The following MARCHF6 variants were observed in gnomAD, a reference collection of about 807,000 sequenced individuals.
The protein encoded by MARCHF6 is membrane associated ring-CH-type finger 6.
In MARCHF6, 31 loss-of-function variants were observed where a neutral mutation model predicts 133.7. The ratio of observed to expected loss-of-function variants is 0.23; its 90% CI spans 0.17 to 0.31. MARCHF6 has a LOEUF of 0.31. Among genes scored for constraint, MARCHF6 ranks in the 10% least tolerant of loss-of-function variants. The probability of loss-of-function intolerance (pLI) is 1.00; values close to 1 mark genes in which losing one functional copy is unlikely to be tolerated. For missense variants in MARCHF6, 723 were observed against 1,121.6 expected (o/e 0.64, Z 5.08); for synonymous variants, 395 against 402.5 (o/e 0.98, Z 0.22).
In MARCHF6 at chr5:10,394,798, AATT is replaced by A; in HGVS notation, c.861+14_861+16del. 1.3e-6 allele frequency: 2 copies of A among 1,494,144 alleles called. No homozygotes were observed. The highest frequency in any genetic ancestry group is 1.8e-6 in the Non-Finnish European group (2 of 1,097,692). 92.6% of individuals were successfully genotyped at this position (1,494,144 alleles called of 1,614,324 possible). A position where few individuals can be genotyped will look rare whatever the true frequency, so the allele number is the denominator to read the frequency against. On this transcript the variant is annotated intron_variant, in intron 9 of 25. Transcript: ENST00000274140. ...ACTAGTTTTTCTGGTAAGTAAAACT[AATT>A]TTTTTTTTTTTTTTTTGAGACGGAA...
At position 10,435,671 on chromosome 5, in the gene MARCHF6, ATATATATATATATATATATATATAT is replaced by A. The variant is rs1391087553; in HGVS notation, c.*1988_*2012del. On this transcript the variant is annotated 3_prime_UTR_variant, in exon 26 of 26. Coordinates refer to ENST00000274140, the MANE Select transcript of MARCHF6 (RefSeq NM_005885.4). The stretch of plus-strand genomic sequence containing the variant: ...TATATATATATATATATATATATAT[ATATATATATATATATATATATATAT>A]ATTTTTTTTTTTTTTTTTTTTTTTT... 1.6e-4 allele frequency: 1 copy of A among 6,258 alleles called. No homozygotes were observed. The highest frequency in any genetic ancestry group is 1.9e-3 in the Admixed American group (1 of 518). The allele number at this position is 6,258 out of a possible 1,614,324, so 0.4% of individuals were successfully genotyped here.
chr5:10,422,797 A>C (rs1292627232), intron 22 of MARCHF6, among the ~76,000 whole-genome samples: 1 of 152,100 alleles, frequency 6.6e-6, no homozygotes, highest in Admixed American at 6.5e-5. Flanking sequence ...TATGAAAATG[A>C]TACTACATAC....
chr5:10,358,708 T>C (rs768027080), intron 1 of MARCHF6, among the ~76,000 whole-genome samples: 2 of 152,174 alleles, frequency 1.3e-5, no homozygotes, highest in Admixed American at 1.3e-4. Context: ...TTGCAGCAAT[T>C]TGAAAAAACT....
intron 25 of MARCHF6, among the ~76,000 whole-genome samples, chr5:10,431,280 A>G (rs931071890): frequency 4.1e-4 from 62 of 152,184 alleles, no homozygotes; most frequent in African/African-American, 1.4e-3. Flanking sequence ...TTAGCACTCA[A>G]CTTTTTGGCA....
Position 10,353,863 on chromosome 5 carries a change from C to A in MARCHF6, c.-36C>A, listed in dbSNP as rs1218938606. ...CTCTTTCCCCGCCCGGCCGCGGGAG[C>A]CTCGTGGCTGCGTCACCGCCGCCCC... On this transcript the variant is annotated 5_prime_UTR_variant, in exon 1 of 26. Transcript: ENST00000274140. The A allele has an allele frequency of 6.4e-7, 1 of 1,556,254 alleles. No homozygotes were observed. The highest frequency in any genetic ancestry group is 8.7e-7 in the Non-Finnish European group (1 of 1,154,864).
intron 1 of MARCHF6, among the ~76,000 whole-genome samples, chr5:10,357,597 G>GA (rs544450537): frequency 1.3e-5 from 2 of 152,154 alleles, no homozygotes; most frequent in Non-Finnish European, 2.9e-5. Flanking sequence ...AAAGTTGTCA[G>GA]AATCAGACAG....
intron 1 of MARCHF6, among the ~76,000 whole-genome samples, chr5:10,376,876 T>A (rs1260715461): frequency 6.6e-6 from 1 of 152,180 alleles, no homozygotes; most frequent in Non-Finnish European, 1.5e-5. Context: ...AGGAAGAATT[T>A]CCCGTGAGAG....
At chr5:10,356,368 TTTTATTTTATTTTA>T (rs1332533798) in intron 1 of MARCHF6, among the ~76,000 whole-genome samples, 41 of 136,996 alleles carry the variant, frequency 3.0e-4, no homozygotes, top group Non-Finnish European at 4.3e-4. Context: ...TTTTATTTTA[TTTTATTTTATTTTA>T]TTTTATTTTA....
chr5:10,402,885 T>G (rs954900639), intron 14 of MARCHF6, among the ~76,000 whole-genome samples: 5 of 152,128 alleles, frequency 3.3e-5, no homozygotes, highest in African/African-American at 1.2e-4. Context: ...GTGTAGATAA[T>G]GCCAAGACAT....
At position 10,403,478 on chromosome 5, in the gene MARCHF6, G is replaced by T. The variant is rs759722106; in HGVS notation, c.1269G>T (p.Leu423=). The T allele has an allele frequency of 9.9e-6, 16 of 1,613,842 alleles. No homozygotes were observed. Among genetic ancestry groups the T allele is most frequent in the Middle Eastern group, 1.6e-4 (1 of 6,062 alleles). The change falls in exon 15 of 26, where the codon CTG becomes CTT. Residue 423 remains leucine, a synonymous_variant. Coordinates refer to ENST00000274140, the MANE Select transcript of MARCHF6 (RefSeq NM_005885.4). The stretch of plus-strand genomic sequence containing the variant: ...CGGCTCCAGGTACTACCATGTTTCT[G>T]CATTGGCTAGTGGGAATGGTATATG... ...FQSAPGTTMF[L]HWLVGMVYVF...
At chr5:10,386,848 T>C (rs1277648054) in intron 4 of MARCHF6, 146 bp from the exon 5 acceptor site, 2 of 579,540 alleles carry the variant, frequency 3.5e-6, no homozygotes, top group Non-Finnish European at 6.4e-6. Flanking sequence ...TTTAAAAATT[T>C]AATATTTTGA....
intron 9 of MARCHF6, among the ~76,000 whole-genome samples, chr5:10,395,046 G>T (rs973955783): frequency 6.6e-6 from 1 of 152,058 alleles, no homozygotes; most frequent in African/African-American, 2.4e-5. Flanking sequence ...TGATCTGCCC[G>T]CCTCGGCCTC....
intron 1 of MARCHF6, among the ~76,000 whole-genome samples, chr5:10,367,761 G>A (rs908720568): frequency 5.3e-5 from 8 of 149,766 alleles, no homozygotes; most frequent in African/African-American, 2.0e-4. Context: ...AGGACTTGAA[G>A]CTTTTTTTTA....
intron 4 of MARCHF6, 52 bp downstream of exon 4, chr5:10,381,995 A>G (rs1003275741): frequency 5.3e-6 from 8 of 1,503,482 alleles, no homozygotes; most frequent in Non-Finnish European, 7.3e-6. Context: ...ATAACTACTT[A>G]ATATTATAAA....
chr5:10,384,292 A>G (rs770768601), intron 4 of MARCHF6, among the ~76,000 whole-genome samples: 3 of 151,888 alleles, frequency 2.0e-5, no homozygotes, highest in Admixed American at 6.6e-5. Context: ...GACACTTTTA[A>G]GAATAAAAGG....
At chr5:10,354,868 A>G (rs1244793108) in intron 1 of MARCHF6, among the ~76,000 whole-genome samples, 5 of 152,216 alleles carry the variant, frequency 3.3e-5, no homozygotes, top group Admixed American at 6.5e-5. Flanking sequence ...TGAATTATCA[A>G]ACGCCGTCAT....
intron 22 of MARCHF6, among the ~76,000 whole-genome samples, chr5:10,423,000 C>CT (rs879722632): frequency 2.6e-3 from 347 of 135,576 alleles, no homozygotes; most frequent in African/African-American, 6.3e-3. Context: ...CATGTGGTTT[C>CT]TTTTTTTTTT....
At chr5:10,405,893 TC>T (rs1370471211) in intron 16 of MARCHF6, among the ~76,000 whole-genome samples, 1 of 152,182 alleles carries the variant, frequency 6.6e-6, no homozygotes, top group African/African-American at 2.4e-5. Flanking sequence ...GGAAGATACT[TC>T]CTTGTTCCAT....
At chr5:10,376,192 G>C (rs1736769540) in intron 1 of MARCHF6, among the ~76,000 whole-genome samples, 2 of 152,136 alleles carry the variant, frequency 1.3e-5, no homozygotes, top group South Asian at 4.2e-4. Context: ...CTCACTCTTT[G>C]GGTCCACACT....
Sources: gnomAD v4.1 joint callset for allele counts (sites outside exome capture counted in the v4.1 genomes callset) on GRCh38, gnomAD v4.1.1 for gene constraint, MANE v1.5 for transcripts, NCBI Gene and HGNC (gene_info 2026-07-23, HGNC 2026-07-21) for gene names.